CTNNA2: variants seen among roughly 807,000 people sequenced by gnomAD.
The protein encoded by CTNNA2 is catenin alpha-2.
Under a neutral mutation model 101.0 loss-of-function variants are expected in CTNNA2, and 42 were observed. The observed-to-expected ratio is 0.42, with a 90% CI of 0.32 to 0.54. CTNNA2 has a LOEUF of 0.54. Ranked by LOEUF, CTNNA2 falls within the 20% of genes least tolerant of loss-of-function variation. The probability of loss-of-function intolerance (pLI) is 0.14; values close to 1 mark genes in which losing one functional copy is unlikely to be tolerated. For missense variants in CTNNA2, 871 were observed against 1,223.1 expected (o/e 0.71, Z 4.29); for synonymous variants, 450 against 456.4 (o/e 0.99, Z 0.18).
intron 12 of CTNNA2, among the ~76,000 whole-genome samples, chr2:80,563,698 T>C (rs1451796902): frequency 6.6e-6 from 1 of 152,104 alleles, no homozygotes. Context: ...CTTTCTGTAT[T>C]TTACCTTTCC....
intron 7 of CTNNA2, among the ~76,000 whole-genome samples, chr2:80,091,489 C>A (rs559325166): frequency 1.3e-5 from 2 of 152,162 alleles, no homozygotes; most frequent in Admixed American, 6.5e-5. Flanking sequence ...GTTGTAAAAA[C>A]GATTAGAGAA....
intron 7 of CTNNA2, among the ~76,000 whole-genome samples, chr2:80,077,898 C>G (rs565816089): frequency 6.6e-6 from 1 of 152,054 alleles, no homozygotes; most frequent in East Asian, 1.9e-4. Flanking sequence ...GTAGACTTTT[C>G]AAAACTTAAC....
chr2:80,523,317 G>A (rs1433851858), intron 9 of CTNNA2, among the ~76,000 whole-genome samples: 2 of 152,168 alleles, frequency 1.3e-5, no homozygotes, highest in Admixed American at 6.5e-5. Context: ...CGGTCCCGGT[G>A]CATGGAGAGA....
intron 9 of CTNNA2, among the ~76,000 whole-genome samples, chr2:80,438,383 A>G (rs964304692): frequency 6.6e-6 from 1 of 151,146 alleles, no homozygotes; most frequent in African/African-American, 2.4e-5. Context: ...TTCACCCATA[A>G]CGATGCCAAA....
intron 7 of CTNNA2, among the ~76,000 whole-genome samples, chr2:80,368,774 C>CAA (rs542151462): frequency 9.3e-5 from 8 of 86,160 alleles, no homozygotes; most frequent in African/African-American, 2.6e-4. Flanking sequence ...CCATTTTTAG[C>CAA]AAAAAAAAAA....
At chr2:79,901,859 C>T (rs1338294054) in intron 6 of CTNNA2, among the ~76,000 whole-genome samples, 1 of 152,154 alleles carries the variant, frequency 6.6e-6, no homozygotes, top group Non-Finnish European at 1.5e-5. Flanking sequence ...CTTTATGCTC[C>T]AGGTCTTGTC....
intron 1 of CTNNA2, among the ~76,000 whole-genome samples, chr2:79,617,828 CGCTACTT>C (rs1041521515): frequency 6.6e-6 from 1 of 152,140 alleles, no homozygotes; most frequent in South Asian, 2.1e-4. Context: ...TTCTTTCCCT[CGCTACTT>C]CAGGGTGTTG....
intron 7 of CTNNA2, among the ~76,000 whole-genome samples, chr2:80,148,795 A>G (rs1278367954): frequency 1.3e-5 from 2 of 152,184 alleles, no homozygotes; most frequent in Non-Finnish European, 2.9e-5. Context: ...TGGAAAGAGC[A>G]TCTCCGGATG....
At chr2:79,498,133 C>T (rs1305427891) in intron 4 of CTNNA2, 2 of 152,220 alleles carry the variant, frequency 1.3e-5, no homozygotes, top group Non-Finnish European at 2.9e-5. Context: ...GTAGATACCA[C>T]ATCCTCTTGG....
chr2:79,507,754 T>C (rs187838854), intron 5 of CTNNA2, among the ~76,000 whole-genome samples: 1 of 152,288 alleles, frequency 6.6e-6, no homozygotes, highest in African/African-American at 2.4e-5. Context: ...CCAAAGCATG[T>C]TCCTTTGAAT....
intron 7 of CTNNA2, among the ~76,000 whole-genome samples, chr2:80,130,343 G>A (rs1428465510): frequency 2.0e-5 from 3 of 152,162 alleles, no homozygotes; most frequent in Admixed American, 1.3e-4. Context: ...CTAAATTGGA[G>A]CACATTCAAG....
chr2:80,626,758 A>G (rs888887951), intron 18 of CTNNA2, among the ~76,000 whole-genome samples: 1 of 152,090 alleles, frequency 6.6e-6, no homozygotes, highest in African/African-American at 2.4e-5. Context: ...GTACATGTGC[A>G]GAACGTACAG....
chr2:79,579,102 A>C (rs1675981562), intron 1 of CTNNA2, among the ~76,000 whole-genome samples: 3 of 105,472 alleles, frequency 2.8e-5, no homozygotes, highest in Admixed American at 1.1e-4. Flanking sequence ...TCCTCCCTTT[A>C]TTCCTTTTTT....
intron 9 of CTNNA2, among the ~76,000 whole-genome samples, chr2:80,457,217 C>A (rs548841114): frequency 6.6e-6 from 1 of 151,988 alleles, no homozygotes; most frequent in Admixed American, 6.6e-5. Flanking sequence ...GTGCCCACCA[C>A]CGCACCCAGT....
chr2:80,477,828 T>C (rs1685846546), intron 9 of CTNNA2, among the ~76,000 whole-genome samples: 1 of 151,954 alleles, frequency 6.6e-6, no homozygotes, highest in African/African-American at 2.4e-5. Context: ...ATCTTTGCAA[T>C]TGTGAATTGT....
chr2:79,813,426 T>C (rs781398148), intron 3 of CTNNA2, among the ~76,000 whole-genome samples: 16 of 152,154 alleles, frequency 1.1e-4, no homozygotes, highest in Non-Finnish European at 2.2e-4. Context: ...ATTTTACAGA[T>C]CAAGCTAATA....
chr2:79,778,485 T>A (rs1039097884), intron 3 of CTNNA2, among the ~76,000 whole-genome samples: 3 of 152,220 alleles, frequency 2.0e-5, no homozygotes, highest in Non-Finnish European at 4.4e-5. Context: ...GTTGAACCAT[T>A]CTTGAATTCA....
chr2:79,434,327 G>T (rs1007496774), intron 4 of CTNNA2, among the ~76,000 whole-genome samples: 3 of 149,636 alleles, frequency 2.0e-5, no homozygotes, highest in Admixed American at 6.7e-5. Context: ...AGAAGGAGAA[G>T]AAGAAAAATA....
chr2:80,087,643 G>A (rs192965261), intron 7 of CTNNA2, among the ~76,000 whole-genome samples: 1 of 152,142 alleles, frequency 6.6e-6, no homozygotes, highest in Non-Finnish European at 1.5e-5. Flanking sequence ...CTCTAAGGTA[G>A]CACTTCTCAA....
Sources: gnomAD v4.1 joint callset for allele counts (sites outside exome capture counted in the v4.1 genomes callset) on GRCh38, gnomAD v4.1.1 for gene constraint, MANE v1.5 for transcripts, NCBI Gene and HGNC (gene_info 2026-07-23, HGNC 2026-07-21) for gene names.